DLGAP2: variants seen among roughly 807,000 people sequenced by gnomAD.
DLGAP2 encodes disks large-associated protein 2.
Under a neutral mutation model 100.3 loss-of-function variants are expected in DLGAP2, and 26 were observed. The observed-to-expected ratio is 0.26, with a 90% CI of 0.19 to 0.36. DLGAP2 has a LOEUF of 0.36. Among genes scored for constraint, DLGAP2 ranks in the 10% least tolerant of loss-of-function variants. The pLI is 1.00. For synonymous variants in DLGAP2, 886 were observed against 630.1 expected (o/e 1.41, Z -6.08); for missense variants, 1,858 against 1,453.2 (o/e 1.28, Z -4.53).
chr8:1,620,718 C>T (rs1002352150), intron 6 of DLGAP2, among the ~76,000 whole-genome samples: 8 of 152,190 alleles, frequency 5.3e-5, no homozygotes, highest in African/African-American at 1.4e-4. Context: ...CTGCAGGAGC[C>T]TCTCGGGGTC....
intron 3 of DLGAP2, among the ~76,000 whole-genome samples, chr8:1,271,909 C>A (rs1166465876): frequency 6.6e-6 from 1 of 152,222 alleles, no homozygotes; most frequent in Admixed American, 6.5e-5. Context: ...CCACCGGGTT[C>A]AAGTCATTCT....
chr8:1,430,958 T>C (rs1294039910), intron 3 of DLGAP2, among the ~76,000 whole-genome samples: 1 of 152,194 alleles, frequency 6.6e-6, no homozygotes, highest in Non-Finnish European at 1.5e-5. Flanking sequence ...GGGCAAGTCA[T>C]TACCTTCTCT....
intron 2 of DLGAP2, among the ~76,000 whole-genome samples, chr8:1,193,458 A>G (rs199977241): frequency 3.3e-5 from 5 of 152,292 alleles, no homozygotes; most frequent in East Asian, 1.9e-4. Flanking sequence ...TCTTTTGGCT[A>G]CATAAATGTC....
intron 2 of DLGAP2, among the ~76,000 whole-genome samples, chr8:1,144,765 GCAGACGGCCTGTACCCACAGTCAAACCA>G (rs1337306832): frequency 6.6e-6 from 1 of 152,152 alleles, no homozygotes; most frequent in African/African-American, 2.4e-5. Flanking sequence ...CAGTCAAACC[GCAGACGGCCTGTACCCACAGTCAAACCA>G]CAGACGGCCT....
chr8:844,828 C>A (rs1318805285), intron 1 of DLGAP2, among the ~76,000 whole-genome samples: 1 of 152,204 alleles, frequency 6.6e-6, no homozygotes, highest in African/African-American at 2.4e-5. Context: ...GCCATCCTCT[C>A]TTCCCCTGCC....
In DLGAP2 at chr8:1,283,201, G is replaced by A. The variant is rs78927197; in HGVS notation, c.106+24318G>A. 9.4e-4 allele frequency among the ~76,000 whole-genome samples: 128 copies of A among 136,514 alleles called. 1 individual carries two copies. The highest frequency in any genetic ancestry group is 4.9e-3 in the Middle Eastern group (1 of 204). 89.6% of individuals were successfully genotyped at this position (136,514 alleles called of 152,430 possible). A position where few individuals can be genotyped will look rare whatever the true frequency, so the allele number is the denominator to read the frequency against. ...AACCCAGCACGTGAACCATCCAGAC[G>A]TGGTGTGACCTGAACCCAGCGCCCT... On this transcript the variant is annotated intron_variant, in intron 3 of 14. Transcript: ENST00000637795.
In DLGAP2 at chr8:987,997, G is replaced by A. The variant is rs575123852; in HGVS notation, c.73+80031G>A. ...ATCCATCAAAACAAGTCTGGTTCTCGATGTAGCTTCTAGCACCATTGAATT... is the reference window on the plus strand; with the variant it reads ...ATCCATCAAAACAAGTCTGGTTCTCAATGTAGCTTCTAGCACCATTGAATT... On this transcript the variant is annotated intron_variant, in intron 2 of 14. Coordinates refer to ENST00000637795, the MANE Select transcript of DLGAP2 (RefSeq NM_001346810.2). Among the ~76,000 whole-genome samples, 29 of 152,244 alleles carry A rather than the reference G, an allele frequency of 1.9e-4. No individual in the cohort carries two copies. The South Asian group carries it at 5.2e-3, about 27-fold the overall frequency.
At chr8:853,907 G>A (rs931315075) in intron 1 of DLGAP2, among the ~76,000 whole-genome samples, 3 of 152,098 alleles carry the variant, frequency 2.0e-5, no homozygotes, top group African/African-American at 7.2e-5. Context: ...GAGACCACTG[G>A]GAGGTCATGA....
At chr8:1,498,939 A>G (rs1799625819) in intron 3 of DLGAP2, among the ~76,000 whole-genome samples, 1 of 152,224 alleles carries the variant, frequency 6.6e-6, no homozygotes, top group African/African-American at 2.4e-5. Context: ...CCTTCCATGC[A>G]TGTACCCTCA....
At chr8:1,594,673 C>T (rs1381007258) in intron 6 of DLGAP2, among the ~76,000 whole-genome samples, 1 of 152,204 alleles carries the variant, frequency 6.6e-6, no homozygotes, top group South Asian at 2.1e-4. Context: ...ATCTGCCCAC[C>T]TCGGCCTCCC....
At chr8:1,202,057 ATGTG>A (rs1293547738) in intron 2 of DLGAP2, among the ~76,000 whole-genome samples, 7 of 149,022 alleles carry the variant, frequency 4.7e-5, no homozygotes, top group Non-Finnish European at 7.4e-5. Flanking sequence ...TATCTGTGTG[ATGTG>A]TGTGTATGTG....
At chr8:1,271,581 G>C (rs1324257695) in intron 3 of DLGAP2, among the ~76,000 whole-genome samples, 1 of 152,122 alleles carries the variant, frequency 6.6e-6, no homozygotes, top group Non-Finnish European at 1.5e-5. Flanking sequence ...TTGCAATAAA[G>C]AGTTGTAAAT....
At chr8:1,680,619 T>A (rs1420710483) in intron 12 of DLGAP2, 2 of 152,264 alleles carry the variant, frequency 1.3e-5, no homozygotes, top group Non-Finnish European at 2.9e-5. Flanking sequence ...GCAGCACGGC[T>A]GCATGGGGCT....
chr8:1,378,378 T>G (rs1796011352), intron 3 of DLGAP2, among the ~76,000 whole-genome samples: 1 of 150,512 alleles, frequency 6.6e-6, no homozygotes, highest in African/African-American at 2.5e-5. Context: ...ACACCTGACC[T>G]CACCTGTCCT....
At chr8:1,241,645 A>G (rs538936876) in intron 2 of DLGAP2, among the ~76,000 whole-genome samples, 5 of 152,246 alleles carry the variant, frequency 3.3e-5, no homozygotes, top group African/African-American at 9.6e-5. Flanking sequence ...AAAATACTCC[A>G]TTTTAACCAG....
intron 1 of DLGAP2, among the ~76,000 whole-genome samples, chr8:894,787 G>A (rs1474030693): frequency 2.4e-5 from 2 of 82,998 alleles, no homozygotes; most frequent in African/African-American, 5.2e-5. Context: ...TGGCAGGGGC[G>A]GGGTGGGGAC....
At chr8:1,686,703 G>C (rs1799124400) in intron 12 of DLGAP2, among the ~76,000 whole-genome samples, 1 of 152,096 alleles carries the variant, frequency 6.6e-6, no homozygotes, top group African/African-American at 2.4e-5. Flanking sequence ...CATGAAGGTG[G>C]AGAGTAGATT....
At chr8:772,483 TG>T (rs1224239038) in intron 1 of DLGAP2, among the ~76,000 whole-genome samples, 1 of 151,914 alleles carries the variant, frequency 6.6e-6, no homozygotes, top group East Asian at 1.9e-4. Flanking sequence ...CCACCGTGTC[TG>T]GCTAATTTTT....
rs2129027625 is a variant in DLGAP2, at chr8:1,029,740, C to G, written c.73+121774C>G. 2.0e-5 allele frequency among the ~76,000 whole-genome samples: 3 copies of G among 152,100 alleles called. No homozygotes were observed. The South Asian group carries it at 6.2e-4, about 32-fold the overall frequency. ...TGGAGGAGGGGCTGAGCCTCAGTTACAGGGGATGGAAAGTCAAAGGGGGAT... is the reference window on the plus strand; with the variant it reads ...TGGAGGAGGGGCTGAGCCTCAGTTAGAGGGGATGGAAAGTCAAAGGGGGAT... On this transcript the variant is annotated intron_variant, in intron 2 of 14. Transcript: ENST00000637795.
Sources: gnomAD v4.1 joint callset for allele counts (sites outside exome capture counted in the v4.1 genomes callset) on GRCh38, gnomAD v4.1.1 for gene constraint, MANE v1.5 for transcripts, NCBI Gene and HGNC (gene_info 2026-07-23, HGNC 2026-07-21) for gene names.